Variants in XPO5 observed in about 807,000 individuals in gnomAD.
The protein encoded by XPO5 is exportin 5, also known as exportin-5.
A neutral mutation model predicts 160.6 loss-of-function variants in XPO5; 46 were observed. The observed-to-expected ratio is 0.29, with a 90% CI of 0.23 to 0.37. The LOEUF (loss-of-function observed/expected upper bound fraction) is 0.37. Among genes scored for constraint, XPO5 ranks in the 10% least tolerant of loss-of-function variants. The pLI is 1.00. For synonymous variants in XPO5, 537 were observed against 519.3 expected (o/e 1.03, Z -0.46); for missense variants, 1,090 against 1,463.9 (o/e 0.74, Z 4.17).
intron 20 of XPO5, among the ~76,000 whole-genome samples, chr6:43,544,422 A>T (rs908346164): frequency 6.6e-5 from 10 of 152,168 alleles, no homozygotes; most frequent in South Asian, 6.2e-4. Context: ...ATACTTTTTT[A>T]AAAAAAGAAA....
intron 20 of XPO5, chr6:43,539,345 T>C: frequency 1.9e-6 from 3 of 1,581,000 alleles, no homozygotes; most frequent in East Asian, 2.2e-5. Context: ...CCTGGTGCGC[T>C]GGCCAGCACG....
intron 15 of XPO5, among the ~76,000 whole-genome samples, chr6:43,550,383 A>G (rs577051538): frequency 6.6e-6 from 1 of 152,312 alleles, no homozygotes; most frequent in South Asian, 2.1e-4. Flanking sequence ...TCTCCAACTC[A>G]AATAATTTGC....
chr6:43,572,691 T>C (rs957962060), intron 2 of XPO5, 113 bp from the exon 3 acceptor site: 30 of 1,168,972 alleles, frequency 2.6e-5, no homozygotes, highest in Non-Finnish European at 3.5e-5. Flanking sequence ...TAAGAAATTA[T>C]ACTTTTGATT....
intron 21 of XPO5, 118 bp from the exon 22 acceptor site, chr6:43,531,693 T>C (rs191325239): frequency 2.3e-6 from 2 of 856,192 alleles, no homozygotes; most frequent in Non-Finnish European, 3.9e-6. Flanking sequence ...TCTGGTGCTG[T>C]ACTGCAAAGC....
At position 43,526,703 on chromosome 6, in the gene XPO5, G is replaced by T. The variant is rs772977694; in HGVS notation, c.2965C>A (p.Pro989Thr). 4 of 1,613,812 alleles carry T rather than the reference G, an allele frequency of 2.5e-6. No homozygotes were observed. The African/African-American group carries it at 5.3e-5, about 22-fold the overall frequency. ...CACTTACCGTCTCCATCTGCTGGGG[G>T]AGCACTACTGTGGTCAGCACCCTTC... ...SKKGADHSSA[P>T]PADGDDEEMM... Residue 989 changes from proline (P) to threonine (T), a missense_variant, in exon 27 of 32, where the codon CCC becomes ACC. Coordinates refer to ENST00000265351, the MANE Select transcript of XPO5 (RefSeq NM_020750.3).
intron 1 of XPO5, 89 bp from the exon 2 acceptor site, chr6:43,573,690 G>A (rs531008281): frequency 3.7e-5 from 54 of 1,454,072 alleles, no homozygotes; most frequent in Admixed American, 4.4e-5. Flanking sequence ...AACCAGGGCC[G>A]GGTGCGGTGG....
rs766280124 is a variant in XPO5 at position 43,524,951 on chromosome 6, C to T, written c.3192G>A (p.Leu1064=). ...AAAGCCACGTAACTGCATCTGCGAG[C>T]AGTGTCCCTGACAGCACCTGGGGAG... ...PLLKQVLSGT[L]LADAVTWLFT... Residue 1064 remains leucine (L), a synonymous_variant, in exon 30 of 32, where the codon CTG becomes CTA. Transcript: ENST00000265351. 9.9e-6 allele frequency: 16 copies of T among 1,613,528 alleles called. No homozygotes were observed. Among genetic ancestry groups the T allele is most frequent in the Non-Finnish European group, 1.4e-5 (16 of 1,179,812 alleles).
intron 13 of XPO5, 94 bp downstream of exon 13, chr6:43,555,742 G>A (rs1211539571): frequency 5.3e-6 from 8 of 1,496,464 alleles, no homozygotes; most frequent in African/African-American, 1.4e-5. Flanking sequence ...TAAGTATATC[G>A]TTCTGATGTG....
chr6:43,539,502 G>A (rs779121432), intron 20 of XPO5: 185 of 1,560,560 alleles, frequency 1.2e-4, no homozygotes, highest in Non-Finnish European at 1.6e-4. Flanking sequence ...TTGACCAAGC[G>A]GCCCAGCTTG....
chr6:43,530,219 T>C (rs1793878763), intron 23 of XPO5, among the ~76,000 whole-genome samples: 1 of 152,076 alleles, frequency 6.6e-6, no homozygotes, highest in African/African-American at 2.4e-5. Flanking sequence ...ATCATGCCAC[T>C]GCACTCCAGC....
intron 20 of XPO5, among the ~76,000 whole-genome samples, chr6:43,540,188 A>T (rs1794615698): frequency 6.6e-6 from 1 of 152,190 alleles, no homozygotes; most frequent in African/African-American, 2.4e-5. Flanking sequence ...TCAGGAGTTC[A>T]AGACCAGGCT....
chr6:43,551,233 T>C (rs1406802479), intron 15 of XPO5, 65 bp downstream of exon 15: 22 of 1,455,714 alleles, frequency 1.5e-5, no homozygotes, highest in Non-Finnish European at 1.9e-5. Context: ...TCCAAAAAAA[T>C]AAAATAAATA....
intron 21 of XPO5, 196 bp downstream of exon 21, chr6:43,533,711 C>T: frequency 2.8e-6 from 1 of 353,598 alleles, no homozygotes; most frequent in South Asian, 2.8e-5. Flanking sequence ...TGTGATCTGC[C>T]TGTGGTCCAA....
At chr6:43,531,398 G>T in intron 22 of XPO5, 81 bp downstream of exon 22, 1 of 1,320,584 alleles carries the variant, frequency 7.6e-7, no homozygotes, top group Non-Finnish European at 1.1e-6. Context: ...CTGTACACTA[G>T]ATGAAAAGTC....
chr6:43,553,642 C>G, intron 13 of XPO5, 139 bp from the exon 14 acceptor site: 1 of 1,414,262 alleles, frequency 7.1e-7, no homozygotes, highest in South Asian at 1.6e-5. Flanking sequence ...GCAGGGTAAT[C>G]TAACCCCTCT....
chr6:43,567,189 G>A lies in XPO5; in HGVS notation c.814C>T (p.Leu272Phe). 1 of 1,613,322 alleles carries A rather than the reference G, an allele frequency of 6.2e-7. No individual in the cohort carries two copies. The highest frequency in any genetic ancestry group is 8.5e-7 in the Non-Finnish European group (1 of 1,179,578). Residue 272 changes from leucine (L) to phenylalanine (F), a missense_variant, in exon 7 of 32, where the codon CTC becomes TTC. By Grantham distance (22) the Leu-to-Phe change is conservative. Coordinates refer to ENST00000265351, the MANE Select transcript of XPO5 (RefSeq NM_020750.3). ...ELQLGAAECL[L>F]IAVSRKGKLE... ...CTTACTTTTCTGCTGACTGCAATGA[G>A]AAGACACTCAGCGGCTCCCAACTGA...
chr6:43,522,855 G>C lies in XPO5; in HGVS notation c.*1013C>G. On this transcript the variant is annotated 3_prime_UTR_variant, in exon 32 of 32. Transcript: ENST00000265351. ...CGTATCCATGTCCTCTCTTTACAGG[G>C]CCTTTCAGTGACCTCTAGAATGGAC... is the stretch of plus-strand genomic sequence containing the variant. 1 of 258,494 alleles carries C rather than the reference G, an allele frequency of 3.9e-6. No homozygotes were observed. Among genetic ancestry groups the C allele is most frequent in the Non-Finnish European group, 9.0e-6 (1 of 111,728 alleles). 16.0% of individuals were successfully genotyped at this position (258,494 alleles called of 1,614,324 possible). A position where few individuals can be genotyped will look rare whatever the true frequency, so the allele number is the denominator to read the frequency against.
In XPO5 at chr6:43,553,518, C is replaced by A; in HGVS notation, c.1442-15G>T. On this transcript the variant is annotated splice_polypyrimidine_tract_variant and intron_variant, in intron 13 of 31. Transcript: ENST00000265351. ...TGCAGAACAAGCTTTAAAACACACA[C>A]ACACACATACACACACACACACACA... 1 of 1,542,098 alleles carries A rather than the reference C, an allele frequency of 6.5e-7. No homozygotes were observed. The highest frequency in any genetic ancestry group is 8.7e-7 in the Non-Finnish European group (1 of 1,145,772).
Position 43,560,207 on chromosome 6 carries a change from G to A in XPO5, c.1192C>T (p.Leu398Phe). 1 of 1,612,612 alleles carries A rather than the reference G, an allele frequency of 6.2e-7. No homozygotes were observed. Among genetic ancestry groups the A allele is most frequent in the Non-Finnish European group, 8.5e-7 (1 of 1,179,250 alleles). Reference sequence around the variant, plus strand: ...ACCAAGTTAGTCATGGAAGCACGAAGATATTTTGGTATTATTGCTAATAGC... The same window carrying A: ...ACCAAGTTAGTCATGGAAGCACGAAAATATTTTGGTATTATTGCTAATAGC... Reference protein sequence around the residue: ...PLLLAIIPKYLRASMTNLVKM... With the variant: ...PLLLAIIPKYFRASMTNLVKM... Residue 398 changes from leucine to phenylalanine, a missense_variant, in exon 11 of 32, where the codon CTT (leucine) becomes TTT (phenylalanine). Coordinates refer to ENST00000265351, the MANE Select transcript of XPO5 (RefSeq NM_020750.3).
Sources: gnomAD v4.1 joint callset for allele counts (sites outside exome capture counted in the v4.1 genomes callset) on GRCh38, gnomAD v4.1.1 for gene constraint, MANE v1.5 for transcripts, NCBI Gene and HGNC (gene_info 2026-07-23, HGNC 2026-07-21) for gene names.